NEB: variants seen among roughly 807,000 people sequenced by gnomAD.
NEB encodes nebulin.
In NEB, 512 loss-of-function variants were observed where a neutral mutation model predicts 952.2. The observed-to-expected ratio is 0.54, with a 90% confidence interval of 0.50 to 0.58. The LOEUF is 0.58. Among genes scored for constraint, NEB ranks in the 20% least tolerant of loss-of-function variants. The pLI, the probability that NEB is intolerant of heterozygous loss-of-function variation, is 0.00. For synonymous variants in NEB, 2,900 were observed against 3,149.8 expected, an observed-to-expected ratio of 0.92 and a Z score of 2.66; for missense variants, 8,428 against 9,231.1, an observed-to-expected ratio of 0.91 and a Z score of 3.56.
chr2:151,492,363 A>G, intron 177 of NEB, 24 bp downstream of exon 177: 1 of 1,591,024 alleles, frequency 6.3e-7, no homozygotes, highest in Non-Finnish European at 8.6e-7. Context: ...GCAGCCAGCC[A>G]ATCCTAAAGA....
At chr2:151,626,114 CT>C (rs745887781) in intron 70 of NEB, among the ~76,000 whole-genome samples, 2,196 of 138,662 alleles carry the variant, frequency 0.016, 19 homozygotes, top group African/African-American at 0.037. Flanking sequence ...TTGCATCTTT[CT>C]TTTTTTTTTT....
In NEB at chr2:151,512,760, G is replaced by A. The variant is rs2075484214; in HGVS notation, c.23319C>T (p.Ala7773=). The change falls in exon 161 of 182, where the codon GCC becomes GCT. Residue 7773 remains alanine, a synonymous_variant. Coordinates refer to ENST00000397345, the MANE Select transcript of NEB (RefSeq NM_001164508.2). ...GGCTTGAAAGATTCTTGACTTGTTG[G>A]GCATGAATGATCTCTGGAGTATCAA... ...SVVDTPEIIH[A]QQVKNLSSQK... is the part of the protein sequence containing the mutation. The A allele has an allele frequency of 6.2e-7, 1 of 1,613,638 alleles. No homozygotes were observed.
At chr2:151,657,013 G>A (rs2099092670) in intron 48 of NEB, among the ~76,000 whole-genome samples, 1 of 152,122 alleles carries the variant, frequency 6.6e-6, no homozygotes, top group African/African-American at 2.4e-5. Context: ...TCTCTAAACT[G>A]CTATAATGGG....
chr2:151,576,514 A>C (rs1174169587), intron 105 of NEB, among the ~76,000 whole-genome samples, 160 bp from the exon 106 acceptor site: 1 of 26,226 alleles, frequency 3.8e-5, no homozygotes. Context: ...ATATATATAT[A>C]TATTTTTTTT....
Position 151,727,677 on chromosome 2 carries a change from T to C in NEB, c.294+14A>G. 1 of 1,604,722 alleles carries C rather than the reference T, an allele frequency of 6.2e-7. No homozygotes were observed. Among genetic ancestry groups the C allele is most frequent in the South Asian group, 1.1e-5 (1 of 90,776 alleles). On this transcript the variant is annotated intron_variant, in intron 5 of 181. Transcript: ENST00000397345. ...ATAATCAAGCCAGGTTAGCAGAAGT[T>C]GTTTGAAACTTACTGGGCTAAAAAG...
At chr2:151,722,562 T>C (rs182688045) in intron 9 of NEB, among the ~76,000 whole-genome samples, 1 of 152,264 alleles carries the variant, frequency 6.6e-6, no homozygotes, top group Non-Finnish European at 1.5e-5. Flanking sequence ...TGTTTGTTTT[T>C]AAGATGGAGG....
In NEB at chr2:151,675,371, T is replaced by A; in HGVS notation, c.3795A>T (p.Gly1265=). 6.3e-7 allele frequency: 1 copy of A among 1,579,194 alleles called. No homozygotes were observed. Among genetic ancestry groups the A allele is most frequent in the Non-Finnish European group, 8.6e-7 (1 of 1,159,458 alleles). ...TGGTGTATTTATGTTTCACATCTTC[T>A]CCTTTAGCCTTGTATAAGATCTGCA... The part of the protein sequence containing the change: ...QVSDILYKAK[G]EDVKHKYTMS... Residue 1265 remains glycine, a synonymous_variant, in exon 35 of 182, where the codon GGA becomes GGT. Coordinates refer to ENST00000397345, the MANE Select transcript of NEB (RefSeq NM_001164508.2).
chr2:151,534,502 G>C (rs548969150), intron 142 of NEB, among the ~76,000 whole-genome samples: 24 of 152,278 alleles, frequency 1.6e-4, no homozygotes, highest in African/African-American at 5.5e-4. Context: ...CCTGAAGAAG[G>C]CTGGAGTGTG....
chr2:151,601,376 T>G (rs1396493141), intron 88 of NEB, among the ~76,000 whole-genome samples: 1 of 146,036 alleles, frequency 6.8e-6, no homozygotes, highest in East Asian at 2.0e-4. Context: ...CCCAAAATGC[T>G]GGGATTTACA....
chr2:151,668,945 T>A, intron 39 of NEB, 82 bp downstream of exon 39: 1 of 1,074,918 alleles, frequency 9.3e-7, no homozygotes, highest in Non-Finnish European at 1.4e-6. Flanking sequence ...TTGCGCCCCC[T>A]ACAATTCTCA....
At chr2:151,567,762 G>A (rs1347322054) in intron 113 of NEB, among the ~76,000 whole-genome samples, 1 of 151,922 alleles carries the variant, frequency 6.6e-6, no homozygotes, top group Non-Finnish European at 1.5e-5. Context: ...TCTGATTCTG[G>A]CAATATTTTT....
intron 124 of NEB, among the ~76,000 whole-genome samples, chr2:151,559,422 C>T (rs1360032815): frequency 6.6e-6 from 1 of 152,056 alleles, no homozygotes; most frequent in Non-Finnish European, 1.5e-5. Context: ...ACCATTTGAC[C>T]CAGCAATCCC....
At chr2:151,718,841 A>G (rs1455804939) in intron 9 of NEB, among the ~76,000 whole-genome samples, 1 of 152,008 alleles carries the variant, frequency 6.6e-6, no homozygotes, top group Non-Finnish European at 1.5e-5. Context: ...TTCTCTCTTC[A>G]TTTCTGATTC....
At position 151,540,687 on chromosome 2, in the gene NEB, C is replaced by T. The variant is rs1291181917; in HGVS notation, c.20787+10G>A. The T allele has an allele frequency of 3.1e-6, 5 of 1,609,786 alleles. No individual in the cohort carries two copies. The highest frequency in any genetic ancestry group is 4.3e-6 in the Non-Finnish European group (5 of 1,176,426). The stretch of plus-strand genomic sequence containing the variant: ...TTACCCAGTGCCTCAGTGCTGAATT[C>T]CCATCTTACCTCACTGACCATGTCC... On this transcript the variant is annotated intron_variant, in intron 137 of 181. Transcript: ENST00000397345.
At chr2:151,658,785 C>A (rs944756852) in intron 47 of NEB, among the ~76,000 whole-genome samples, 2 of 152,006 alleles carry the variant, frequency 1.3e-5, no homozygotes, top group Non-Finnish European at 2.9e-5. Context: ...CTCCTGGCCC[C>A]GGAGCCTGTT....
intron 64 of NEB, among the ~76,000 whole-genome samples, chr2:151,634,642 A>T (rs553854859): frequency 1.3e-5 from 2 of 152,262 alleles, no homozygotes; most frequent in African/African-American, 4.8e-5. Context: ...TCCATCTCAA[A>T]AAAATAAAAT....
chr2:151,565,191 T>C (rs2096298635), intron 116 of NEB, 43 bp from the exon 117 acceptor site: 3 of 1,013,618 alleles, frequency 3.0e-6, no homozygotes, highest in East Asian at 2.6e-5. Context: ...TAAATGAATA[T>C]TAAATTTTTA....
chr2:151,642,914 T>C (rs201585290), intron 58 of NEB, 45 bp from the exon 59 acceptor site: 377 of 1,437,536 alleles, frequency 2.6e-4, no homozygotes, highest in Non-Finnish European at 3.5e-4. Context: ...CAGTAATAAA[T>C]AGACACATGC....
rs79487307 is a variant in NEB at position 151,500,754 on chromosome 2, C to T, written c.24021+637G>A. On this transcript the variant is annotated intron_variant, in intron 168 of 181. Transcript: ENST00000397345. ...CTGAGACTACAGGCATGTGCCACCA[C>T]GCTTGGCTAATTTTTTCTATTTTTA... Among the ~76,000 whole-genome samples, 825 of 152,046 alleles carry T rather than the reference C, an allele frequency of 5.4e-3. 36 individuals are homozygous for T. In the East Asian group the frequency reaches 0.11, roughly 21 times the overall value.
Sources: allele counts gnomAD v4.1 joint callset (sites outside exome capture counted in the v4.1 genomes callset), GRCh38; gene constraint gnomAD v4.1.1; transcripts MANE v1.5; gene names NCBI Gene and HGNC (gene_info 2026-07-23, HGNC 2026-07-21).